The following NEBL variants were observed in gnomAD, a reference collection of about 807,000 sequenced individuals.
NEBL encodes nebulette.
A neutral mutation model predicts 140.2 loss-of-function variants in NEBL; 122 were observed. That is an observed-to-expected ratio of 0.87 (90% CI 0.75 to 1.01). The LOEUF is 1.01. Among genes scored for constraint, NEBL ranks in the 50% least tolerant of loss-of-function variants. The probability of loss-of-function intolerance (pLI) is 0.00; values close to 1 mark genes in which losing one functional copy is unlikely to be tolerated. For synonymous variants in NEBL, 436 were observed against 398.9 expected (o/e 1.09, Z -1.11); for missense variants, 1,365 against 1,231.3 (o/e 1.11, Z -1.62).
chr10:20,942,123 C>A (rs1216101861), intron 4 of NEBL, among the ~76,000 whole-genome samples: 15 of 152,156 alleles, frequency 9.9e-5, no homozygotes, highest in Admixed American at 6.5e-4. Context: ...AAGAGCCCAC[C>A]TTGCCAAGTC....
At chr10:21,041,015 G>C (rs1293632716) in intron 2 of NEBL, among the ~76,000 whole-genome samples, 1 of 152,102 alleles carries the variant, frequency 6.6e-6, no homozygotes, top group Non-Finnish European at 1.5e-5. Flanking sequence ...TAATTACCCA[G>C]TCTCAGGTAG....
Position 21,219,968 on chromosome 10 carries a change from C to A in NEBL, n.348+27953G>T, listed in dbSNP as rs567146788. On this transcript the variant is annotated intron_variant and non_coding_transcript_variant, in intron 3 of 8. Coordinates refer to the NEBL transcript ENST00000675702. ...TTGCTTTGTTGCCCAGGCTGGAGTA[C>A]CATGGGACGATCTCGGCTCACTGCA... Among the ~76,000 whole-genome samples, 6 of 150,868 alleles carry A rather than the reference C, an allele frequency of 4.0e-5. No homozygotes were observed. The South Asian group carries it at 1.3e-3, about 32-fold the overall frequency.
intron 4 of NEBL, among the ~76,000 whole-genome samples, chr10:20,937,179 A>G (rs1277823268): frequency 6.6e-6 from 1 of 152,150 alleles, no homozygotes; most frequent in African/African-American, 2.4e-5. Context: ...TCTCTCAATT[A>G]CATGTTAATA....
At chr10:21,185,808 C>T (rs776285998) in intron 3 of NEBL, among the ~76,000 whole-genome samples, 9 of 152,222 alleles carry the variant, frequency 5.9e-5, no homozygotes, top group Non-Finnish European at 1.0e-4. Flanking sequence ...TCTTTCTGCC[C>T]CCTTTTCCTC....
At chr10:21,071,069 G>A (rs1036026124) in intron 2 of NEBL, among the ~76,000 whole-genome samples, 6 of 151,738 alleles carry the variant, frequency 4.0e-5, no homozygotes, top group Admixed American at 3.3e-4. Context: ...CTGCTTAGGA[G>A]GCTAAGTCAG....
In NEBL at chr10:20,897,265, C is replaced by A; in HGVS notation, c.-60G>T. On this transcript the variant is annotated 5_prime_UTR_variant, in exon 1 of 28. Transcript: ENST00000377122. ...TACTCATGTGGCGTCCTTTTCCATA[C>A]CACAGTGCCCTTGAGATGCTGACGT... 3.3e-6 allele frequency: 5 copies of A among 1,524,368 alleles called. No homozygotes were observed. Among genetic ancestry groups the A allele is most frequent in the Non-Finnish European group, 4.4e-6 (5 of 1,142,372 alleles). The allele number at this position is 1,524,368 out of a possible 1,614,324, so 94.4% of individuals were successfully genotyped here.
At chr10:21,166,251 G>GAAAA (rs1423811230) in intron 2 of NEBL, among the ~76,000 whole-genome samples, 2 of 65,102 alleles carry the variant, frequency 3.1e-5, no homozygotes, top group East Asian at 6.6e-4. Context: ...AAAAAGAAAA[G>GAAAA]AAAAAAAAAT....
intron 3 of NEBL, among the ~76,000 whole-genome samples, chr10:21,181,180 T>A (rs1454360088): frequency 1.3e-5 from 2 of 151,792 alleles, no homozygotes; most frequent in African/African-American, 2.4e-5. Context: ...GGAGAATCGC[T>A]TGAACCCAGG....
intron 4 of NEBL, among the ~76,000 whole-genome samples, chr10:20,941,158 C>T (rs1270341462): frequency 1.3e-5 from 2 of 152,112 alleles, no homozygotes; most frequent in Admixed American, 1.3e-4. Context: ...GACCAATATC[C>T]CTGATGAACA....
chr10:20,805,883 A>C (rs1837569761), intron 26 of NEBL, among the ~76,000 whole-genome samples: 1 of 152,032 alleles, frequency 6.6e-6, no homozygotes, highest in Non-Finnish European at 1.5e-5. Context: ...TTTTTCTTAC[A>C]AGGCATTATT....
intron 3 of NEBL, among the ~76,000 whole-genome samples, chr10:20,986,214 C>T (rs2131675328): frequency 6.6e-6 from 1 of 152,200 alleles, no homozygotes; most frequent in South Asian, 2.1e-4. Context: ...AAATATCATA[C>T]CATATATATA....
At chr10:20,887,036 T>C (rs540464043) in intron 4 of NEBL, among the ~76,000 whole-genome samples, 2 of 152,226 alleles carry the variant, frequency 1.3e-5, no homozygotes, top group South Asian at 2.1e-4. Flanking sequence ...AGCTAAAGAA[T>C]AGATTAACAA....
intron 3 of NEBL, among the ~76,000 whole-genome samples, chr10:21,232,130 T>A (rs2132255729): frequency 6.6e-6 from 1 of 151,946 alleles, no homozygotes; most frequent in Non-Finnish European, 1.5e-5. Flanking sequence ...GGGTTGTTGT[T>A]TTTTTTTCTC....
chr10:21,222,288 A>G (rs11012587), intron 3 of NEBL, among the ~76,000 whole-genome samples: 20,210 of 151,754 alleles, frequency 0.13, 1,800 homozygotes, highest in African/African-American at 0.25. Context: ...CTCTACCAAA[A>G]AAAAAAAAAA....
intron 4 of NEBL, among the ~76,000 whole-genome samples, chr10:20,919,930 G>C (rs1013579610): frequency 6.6e-6 from 1 of 151,624 alleles, no homozygotes; most frequent in Non-Finnish European, 1.5e-5. Context: ...ATCATGAAGG[G>C]CTAAGAGTCC....
chr10:20,851,044 T>C (rs1209125604), intron 10 of NEBL, among the ~76,000 whole-genome samples: 1 of 152,234 alleles, frequency 6.6e-6, no homozygotes, highest in Non-Finnish European at 1.5e-5. Flanking sequence ...CACTATGCAA[T>C]ATTTAATATC....
chr10:21,100,671 CAA>C (rs1837439719), intron 2 of NEBL, among the ~76,000 whole-genome samples: 1 of 152,084 alleles, frequency 6.6e-6, no homozygotes, highest in Admixed American at 6.5e-5. Flanking sequence ...ACCTGATGGG[CAA>C]AGAGATGGAT....
At chr10:21,198,517 G>A (rs1360632871) in intron 3 of NEBL, among the ~76,000 whole-genome samples, 5 of 152,180 alleles carry the variant, frequency 3.3e-5, no homozygotes, top group Admixed American at 3.3e-4. Context: ...AATGTGGAAT[G>A]TAGGTTTAGG....
At chr10:21,030,111 A>G (rs1390413211) in intron 2 of NEBL, 1 of 475,746 alleles carries the variant, frequency 2.1e-6, no homozygotes, top group Admixed American at 2.9e-5. Flanking sequence ...AAGCCCGTTG[A>G]TAGAGCTGCT....
Sources: gnomAD v4.1 joint callset for allele counts (sites outside exome capture counted in the v4.1 genomes callset) on GRCh38, gnomAD v4.1.1 for gene constraint, MANE v1.5 for transcripts, NCBI Gene and HGNC (gene_info 2026-07-23, HGNC 2026-07-21) for gene names.